Variants in TCF4 observed in about 807,000 individuals in gnomAD.
The protein encoded by TCF4 is transcription factor 4, also known as SL3-3 enhancer factor 2.
In TCF4, 3 loss-of-function variants were observed where a neutral mutation model predicts 82.1. The ratio of observed to expected loss-of-function variants is 0.04; its 90% CI spans 0.02 to 0.09. The LOEUF is 0.09. Ranked by LOEUF, TCF4 falls within the 10% of genes least tolerant of loss-of-function variation. The probability of loss-of-function intolerance (pLI) is 1.00; values close to 1 mark genes in which losing one functional copy is unlikely to be tolerated. For synonymous variants in TCF4, 276 were observed against 309.6 expected, an observed-to-expected ratio of 0.89 and a Z score of 1.14; for missense variants, 518 against 852.7, an observed-to-expected ratio of 0.61 and a Z score of 4.89.
intron 8 of TCF4, among the ~76,000 whole-genome samples, chr18:55,328,837 A>G (rs1307757849): frequency 6.6e-6 from 1 of 152,170 alleles, no homozygotes; most frequent in African/African-American, 2.4e-5. Context: ...ATCAGAGGGG[A>G]AATGTGATTA....
rs2046780796 is a variant in TCF4 at position 55,227,753 on chromosome 18, G to C, written c.*282C>G. Reference sequence around the variant, plus strand: ...TGGAAAGATTGCCGTTCAGTCTCTGGGCTGTGTCTCAGCCTGTACATACTG... The same window carrying C: ...TGGAAAGATTGCCGTTCAGTCTCTGCGCTGTGTCTCAGCCTGTACATACTG... On this transcript the variant is annotated 3_prime_UTR_variant, in exon 20 of 20. Transcript: ENST00000354452. 6.2e-6 allele frequency: 1 copy of C among 161,542 alleles called. No individual in the cohort carries two copies. Among genetic ancestry groups the C allele is most frequent in the South Asian group, 1.7e-4 (1 of 5,894 alleles). The allele number at this position is 161,542 out of a possible 1,614,324, so 10.0% of individuals were successfully genotyped here.
chr18:55,506,320 T>C (rs1288333287), intron 3 of TCF4, among the ~76,000 whole-genome samples: 4 of 152,204 alleles, frequency 2.6e-5, no homozygotes, highest in Non-Finnish European at 5.9e-5. Context: ...GGCTACTTAC[T>C]AATAAGTGTA....
chr18:55,414,686 TAG>T (rs2094466825), intron 5 of TCF4, among the ~76,000 whole-genome samples: 1 of 152,124 alleles, frequency 6.6e-6, no homozygotes, highest in African/African-American at 2.4e-5. Flanking sequence ...CAGGCAATGG[TAG>T]AGAGGCTGAC....
intron 8 of TCF4, among the ~76,000 whole-genome samples, chr18:55,309,365 T>C (rs1395980438): frequency 6.6e-6 from 1 of 151,882 alleles, no homozygotes; most frequent in Non-Finnish European, 1.5e-5. Context: ...TAGGCAATCC[T>C]CCCGCTTCAG....
chr18:55,310,266 C>T (rs902544708), intron 8 of TCF4, among the ~76,000 whole-genome samples: 3 of 152,122 alleles, frequency 2.0e-5, no homozygotes, highest in Non-Finnish European at 2.9e-5. Flanking sequence ...AGCTAATGGG[C>T]TAAGCAATAA....
rs1568465621 is a variant in TCF4 at position 55,586,157 on chromosome 18, AGCAGCAGCAGC to A, written c.73-816_73-806del. ...GAGAAGGAGGAGGAGGAGGAGGAGC[AGCAGCAGCAGC>A]AGCAGCAGCAGCAGCAGCAGCAGCA... On this transcript the variant is annotated intron_variant, in intron 2 of 19. Transcript: ENST00000354452. 1.1e-4 allele frequency: 11 copies of A among 104,688 alleles called. No individual in the cohort carries two copies. The African/African-American group carries it at 4.0e-3, about 38-fold the overall frequency. 6.5% of individuals were successfully genotyped at this position (104,688 alleles called of 1,614,324 possible).
intron 8 of TCF4, among the ~76,000 whole-genome samples, chr18:55,296,397 A>C (rs2066499932): frequency 6.6e-6 from 1 of 152,188 alleles, no homozygotes; most frequent in South Asian, 2.1e-4. Context: ...TCTTGAGTGC[A>C]ATGTGGGAAA....
At chr18:55,582,443 C>T (rs894338014) in intron 3 of TCF4, among the ~76,000 whole-genome samples, 10 of 152,242 alleles carry the variant, frequency 6.6e-5, no homozygotes, top group East Asian at 1.9e-4. Flanking sequence ...TTCTGCTGAA[C>T]ACCTGCAAAC....
chr18:55,385,308 C>T (rs1374899783), intron 6 of TCF4, among the ~76,000 whole-genome samples: 6 of 152,114 alleles, frequency 3.9e-5, no homozygotes, highest in African/African-American at 1.4e-4. Flanking sequence ...CATTCTATGC[C>T]CCAACTACTT....
At chr18:55,566,906 T>C (rs1265522011) in intron 3 of TCF4, among the ~76,000 whole-genome samples, 1 of 152,126 alleles carries the variant, frequency 6.6e-6, no homozygotes, top group Non-Finnish European at 1.5e-5. Flanking sequence ...CCAAATAGAA[T>C]TTTAAAATTC....
At chr18:55,414,313 G>A (rs763547735) in intron 5 of TCF4, among the ~76,000 whole-genome samples, 6 of 150,974 alleles carry the variant, frequency 4.0e-5, no homozygotes, top group Non-Finnish European at 7.4e-5. Context: ...GGGAAAAACT[G>A]AAAGAAAAGA....
intron 6 of TCF4, among the ~76,000 whole-genome samples, chr18:55,353,518 C>T (rs1375019095): frequency 6.6e-6 from 1 of 152,136 alleles, no homozygotes; most frequent in Non-Finnish European, 1.5e-5. Context: ...TAGAATCATT[C>T]TTCTAAAGCA....
rs867075569 is a variant in TCF4, at chr18:55,275,750, C to T, written c.658G>A (p.Gly220Ser). 2 of 1,613,726 alleles carry T rather than the reference C, an allele frequency of 1.2e-6. No homozygotes were observed. Among genetic ancestry groups the T allele is most frequent in the South Asian group, 1.1e-5 (1 of 91,070 alleles). ...TFPSSFFMQD[G>S]HHSSDPWSSS... ...CTCCAAGGGTCACTGCTGTGATGGC[C>T]ATCTGTAAAGGACAAAGACAACCAT... is the stretch of plus-strand genomic sequence containing the variant. The change falls in exon 10 of 20, where the codon GGC (glycine) becomes AGC (serine). Residue 220 changes from glycine to serine, a missense_variant and splice_region_variant. Gly to Ser is a moderately conservative substitution (Grantham distance 56, BLOSUM62 0). Around this residue, in one of 7 missense-constraint regions of TCF4, gnomAD observed 211 missense variants for 327.4 expected, o/e 0.64. Transcript: ENST00000354452.
chr18:55,494,181 C>CACACACACACACACACACAG, intron 3 of TCF4, among the ~76,000 whole-genome samples: 1 of 151,130 alleles, frequency 6.6e-6, no homozygotes. Flanking sequence ...CACACACACA[C>CACACACACACACACACACAG]AGATTAGTCA....
chr18:55,634,039 C>T (rs560975209), intron 1 of TCF4, among the ~76,000 whole-genome samples: 2 of 152,274 alleles, frequency 1.3e-5, no homozygotes, highest in East Asian at 1.9e-4. Context: ...GAGGCCAAGG[C>T]GGGCGGGTCA....
At chr18:55,431,257 A>G (rs2095181790) in intron 5 of TCF4, among the ~76,000 whole-genome samples, 1 of 152,150 alleles carries the variant, frequency 6.6e-6, no homozygotes, top group African/African-American at 2.4e-5. Flanking sequence ...GAACCCCTAC[A>G]TCCCTTTGAT....
At chr18:55,239,205 A>G (rs563498363) in intron 15 of TCF4, among the ~76,000 whole-genome samples, 1 of 152,352 alleles carries the variant, frequency 6.6e-6, no homozygotes, top group East Asian at 1.9e-4. Context: ...AAATAACCTT[A>G]GTTTCCAAGA....
At position 55,373,235 on chromosome 18, in the gene TCF4, T is replaced by C. The variant is rs552888800; in HGVS notation, c.370-22232A>G. On this transcript the variant is annotated intron_variant, in intron 6 of 19. Coordinates refer to ENST00000354452, the MANE Select transcript of TCF4 (RefSeq NM_001083962.2). ...ATATAAAATCTACAAAAATAAAGCA[T>C]GTAGAGAACATTACTATACATTGAA... Among the ~76,000 whole-genome samples the C allele has an allele frequency of 1.4e-3, 212 of 151,732 alleles. 1 individual carries two copies. The highest frequency in any genetic ancestry group is 4.9e-3 in the African/African-American group (205 of 41,490).
chr18:55,572,670 C>T (rs913530851), intron 3 of TCF4, among the ~76,000 whole-genome samples: 4 of 152,178 alleles, frequency 2.6e-5, no homozygotes, highest in African/African-American at 9.7e-5. Flanking sequence ...CTACCTGATA[C>T]CTGACCACAG....
Sources: gnomAD v4.1 joint callset for allele counts (sites outside exome capture counted in the v4.1 genomes callset) on GRCh38, gnomAD v4.1.1 for gene constraint, gnomAD v4.1.1 regional missense constraint, MANE v1.5 for transcripts, NCBI Gene and HGNC (gene_info 2026-07-23, HGNC 2026-07-21) for gene names.